TMEM150C: variants seen among roughly 807,000 people sequenced by gnomAD.
The protein encoded by TMEM150C is transmembrane protein 150C, also known as tentonin 3.
TMEM150C carries 10 observed loss-of-function variants against 29.9 expected under a neutral mutation model. The observed-to-expected ratio is 0.33, with a 90% CI of 0.21 to 0.57. TMEM150C has a LOEUF of 0.57. Among genes scored for constraint, TMEM150C ranks in the 20% least tolerant of loss-of-function variants. The pLI, the probability that TMEM150C is intolerant of heterozygous loss-of-function variation, is 0.88. For synonymous variants in TMEM150C, 101 were observed against 112.5 expected (o/e 0.90, Z 0.64); for missense variants, 251 against 303.6 (o/e 0.83, Z 1.29).
At chr4:82,489,732 GAA>G (rs1194828074) in intron 7 of TMEM150C, among the ~76,000 whole-genome samples, 1 of 151,808 alleles carries the variant, frequency 6.6e-6, no homozygotes, top group African/African-American at 2.4e-5. Flanking sequence ...TAAGCTGGAG[GAA>G]AAAAATGGCA....
At chr4:82,548,825 G>A (rs1048410899) in intron 1 of TMEM150C, among the ~76,000 whole-genome samples, 20 of 152,320 alleles carry the variant, frequency 1.3e-4, no homozygotes, top group African/African-American at 4.8e-4. Flanking sequence ...GGCACTGCAT[G>A]CAGATGTCAG....
chr4:82,499,582 G>T (rs1723662725), intron 5 of TMEM150C, among the ~76,000 whole-genome samples: 2 of 151,984 alleles, frequency 1.3e-5, no homozygotes. Flanking sequence ...AATTAGCCAG[G>T]CGTGGTGGCA....
intron 6 of TMEM150C, among the ~76,000 whole-genome samples, chr4:82,492,930 C>T (rs1405936930): frequency 7.2e-6 from 1 of 138,066 alleles, no homozygotes; most frequent in Non-Finnish European, 1.5e-5. Context: ...CTTTGTTGCC[C>T]AGGCTAGAGT....
chr4:82,509,694 C>G (rs999183367), intron 1 of TMEM150C: 4 of 152,078 alleles, frequency 2.6e-5, no homozygotes, highest in African/African-American at 9.7e-5. Flanking sequence ...ATGCAGGAGG[C>G]TAAGGCAGGA....
intron 1 of TMEM150C, among the ~76,000 whole-genome samples, chr4:82,560,413 G>C (rs550881210): frequency 6.6e-5 from 10 of 152,056 alleles, no homozygotes; most frequent in Non-Finnish European, 1.3e-4. Flanking sequence ...TTCCAACTTG[G>C]GGGACTTGCA....
chr4:82,558,628 A>G (rs1725817413), intron 1 of TMEM150C, among the ~76,000 whole-genome samples: 3 of 152,192 alleles, frequency 2.0e-5, no homozygotes. Context: ...TACCAGAAAA[A>G]AAAAAAAATC....
intron 6 of TMEM150C, among the ~76,000 whole-genome samples, chr4:82,492,797 AAAAAAAAAAAAAAC>A (rs1723402070): frequency 7.4e-6 from 1 of 134,952 alleles, no homozygotes. Flanking sequence ...TTCTCCAAAA[AAAAAAAAAAAAAAC>A]AACAAAGTCT....
rs2110059706 is a variant in TMEM150C at position 82,485,814 on chromosome 4, T to C, written c.542-95A>G. On this transcript the variant is annotated intron_variant, in intron 7 of 7. Transcript: ENST00000449862. ...ACAGATTATAGGAAAAGTCTGGCTT[T>C]CCTCATCACTAGAAAAACTGGTAGC... 2.6e-6 allele frequency: 3 copies of C among 1,145,370 alleles called. No homozygotes were observed. In the East Asian group the frequency reaches 7.8e-5, roughly 30 times the overall value. The allele number at this position is 1,145,370 out of a possible 1,614,324, so 71.0% of individuals were successfully genotyped here. A position where few individuals can be genotyped will look rare whatever the true frequency, so the allele number is the denominator to read the frequency against.
At chr4:82,540,649 T>C (rs995994684) in intron 1 of TMEM150C, among the ~76,000 whole-genome samples, 23 of 152,216 alleles carry the variant, frequency 1.5e-4, no homozygotes, top group African/African-American at 5.5e-4. Flanking sequence ...ACATAATTAC[T>C]ATATTTTTAT....
intron 1 of TMEM150C, among the ~76,000 whole-genome samples, chr4:82,515,785 G>A (rs773158556): frequency 4.5e-4 from 68 of 151,318 alleles, no homozygotes; most frequent in Admixed American, 1.4e-3. Context: ...CATAGGCAGT[G>A]ATTTCACGTG....
chr4:82,537,860 T>G (rs1378205594), intron 1 of TMEM150C, among the ~76,000 whole-genome samples: 2 of 152,096 alleles, frequency 1.3e-5, no homozygotes, highest in Non-Finnish European at 2.9e-5. Context: ...CCTAGAGCCT[T>G]CAATAGGAGC....
intron 1 of TMEM150C, among the ~76,000 whole-genome samples, chr4:82,519,798 CAACT>C (rs939082470): frequency 3.3e-5 from 5 of 152,024 alleles, no homozygotes; most frequent in African/African-American, 1.2e-4. Flanking sequence ...AAGAGAGTAA[CAACT>C]AATAATAAAA....
chr4:82,558,142 T>C (rs1725800305), intron 1 of TMEM150C, among the ~76,000 whole-genome samples: 1 of 152,212 alleles, frequency 6.6e-6, no homozygotes, highest in Non-Finnish European at 1.5e-5. Flanking sequence ...TGCCTTTAAA[T>C]GCTATCTCTC....
At chr4:82,485,860 C>G (rs183494665) in intron 7 of TMEM150C, 141 bp from the exon 8 acceptor site, 1 of 701,728 alleles carries the variant, frequency 1.4e-6, no homozygotes, top group African/African-American at 1.8e-5. Flanking sequence ...TTGTTGAACA[C>G]GAAAATCTAT....
intron 1 of TMEM150C, among the ~76,000 whole-genome samples, chr4:82,528,807 G>A (rs542508993): frequency 5.9e-5 from 9 of 152,120 alleles, no homozygotes; most frequent in South Asian, 2.1e-4. Context: ...TATTGGCCAG[G>A]CTGGTCTTGA....
intron 1 of TMEM150C, among the ~76,000 whole-genome samples, chr4:82,520,228 T>C (rs1724439145): frequency 6.6e-6 from 1 of 152,176 alleles, no homozygotes; most frequent in South Asian, 2.1e-4. Context: ...CTGTTAATGG[T>C]TCAATATACA....
chr4:82,538,453 G>A lies in TMEM150C; in HGVS notation c.-11+23453C>T, dbSNP rs576801938. On this transcript the variant is annotated intron_variant, in intron 1 of 7. Transcript: ENST00000449862. ...GTTATAGTGTACCTATAATTAATTC[G>A]CAGTCATTCAGATATGTTTTTGAAG... is the stretch of plus-strand genomic sequence containing the variant. Among the ~76,000 whole-genome samples the A allele has an allele frequency of 7.9e-5, 12 of 152,226 alleles. No individual in the cohort carries two copies. In the South Asian group the frequency reaches 1.2e-3, roughly 16 times the overall value.
chr4:82,487,467 C>T (rs1026080499), intron 7 of TMEM150C, among the ~76,000 whole-genome samples: 3 of 152,064 alleles, frequency 2.0e-5, no homozygotes, highest in Admixed American at 6.6e-5. Flanking sequence ...AAAAACATCT[C>T]GGAGTGATTT....
At chr4:82,554,198 G>A (rs935253179) in intron 1 of TMEM150C, among the ~76,000 whole-genome samples, 1 of 152,094 alleles carries the variant, frequency 6.6e-6, no homozygotes, top group African/African-American at 2.4e-5. Context: ...ACTACATGTA[G>A]GTATATTTTA....
Sources: allele counts gnomAD v4.1 joint callset (sites outside exome capture counted in the v4.1 genomes callset), GRCh38; gene constraint gnomAD v4.1.1; transcripts MANE v1.5; gene names NCBI Gene and HGNC (gene_info 2026-07-23, HGNC 2026-07-21).